The following ASTN2 variants were observed in gnomAD, a reference collection of about 807,000 sequenced individuals.
ASTN2 encodes astrotactin-2.
In ASTN2, 54 loss-of-function variants were observed where a neutral mutation model predicts 139.8. The observed-to-expected ratio is 0.39, with a 90% CI of 0.31 to 0.48. The LOEUF is 0.48. ASTN2 is among the 20% of genes least tolerant of loss of function. The probability of loss-of-function intolerance (pLI) is 0.95; values close to 1 mark genes in which losing one functional copy is unlikely to be tolerated. For missense variants in ASTN2, 1,565 were observed against 1,725.1 expected, an observed-to-expected ratio of 0.91 and a Z score of 1.64; for synonymous variants, 756 against 719.5, an observed-to-expected ratio of 1.05 and a Z score of -0.81.
chr9:116,825,571 C>A (rs1235839372), intron 11 of ASTN2, among the ~76,000 whole-genome samples: 10 of 152,174 alleles, frequency 6.6e-5, no homozygotes, highest in Non-Finnish European at 1.2e-4. Flanking sequence ...TGCTAGGATT[C>A]AACAGGGGAG....
At chr9:116,756,147 G>C (rs6478249) in intron 13 of ASTN2, among the ~76,000 whole-genome samples, 109,885 of 152,092 alleles carry the variant, frequency 0.72, 39,888 homozygotes, top group South Asian at 0.84. Context: ...GGCCCTCCTC[G>C]TCCACAGCCA....
chr9:117,299,194 T>A (rs1264981919), intron 1 of ASTN2, among the ~76,000 whole-genome samples: 1 of 152,168 alleles, frequency 6.6e-6, no homozygotes, highest in East Asian at 1.9e-4. Context: ...AATAGTGGGA[T>A]CAGAGGTGAT....
chr9:116,905,866 T>G (rs1536424), intron 10 of ASTN2, among the ~76,000 whole-genome samples: 5,847 of 32,128 alleles, frequency 0.18, 390 homozygotes, highest in African/African-American at 0.31. Context: ...TTTTTTTTTT[T>G]GGGGGGGGGT....
intron 3 of ASTN2, among the ~76,000 whole-genome samples, chr9:117,164,336 G>T (rs1295483576): frequency 6.6e-6 from 1 of 152,028 alleles, no homozygotes; most frequent in Non-Finnish European, 1.5e-5. Context: ...GAACCCTTTG[G>T]CCCTGTATAG....
intron 16 of ASTN2, among the ~76,000 whole-genome samples, chr9:116,680,806 CTTTGACAAAA>C (rs1859808953): frequency 6.6e-6 from 1 of 152,146 alleles, no homozygotes; most frequent in Non-Finnish European, 1.5e-5. Context: ...CAGAAAAGGC[CTTTGACAAAA>C]TTCAACAACC....
intron 2 of ASTN2, among the ~76,000 whole-genome samples, chr9:117,272,549 A>C (rs955347765): frequency 6.6e-6 from 1 of 152,228 alleles, no homozygotes. Flanking sequence ...TCAGGCTGCA[A>C]ATTTTCTGAA....
intron 13 of ASTN2, among the ~76,000 whole-genome samples, chr9:116,775,901 AG>A (rs1439400114): frequency 1.3e-5 from 2 of 152,116 alleles, no homozygotes; most frequent in Admixed American, 1.3e-4. Context: ...GACATCTCAA[AG>A]GAGGACAAAT....
intron 19 of ASTN2, among the ~76,000 whole-genome samples, chr9:116,572,027 T>C (rs1704793477): frequency 6.6e-6 from 1 of 152,170 alleles, no homozygotes; most frequent in African/African-American, 2.4e-5. Context: ...ATATGATTTC[T>C]CTAAATCCCC....
chr9:117,237,245 AT>A (rs527254108), intron 2 of ASTN2, among the ~76,000 whole-genome samples: 2,527 of 151,420 alleles, frequency 0.017, 77 homozygotes, highest in African/African-American at 0.058. Flanking sequence ...ATTATTATCT[AT>A]TTTTTTTTAT....
intron 1 of ASTN2, 33 bp from the exon 2 acceptor site, chr9:117,291,546 C>T (rs767656187): frequency 2.1e-5 from 32 of 1,549,760 alleles, no homozygotes; most frequent in South Asian, 1.1e-4. Context: ...CTGGGTGAGC[C>T]GTACGCCTGG....
intron 2 of ASTN2, among the ~76,000 whole-genome samples, chr9:117,283,226 C>A (rs1180225031): frequency 6.6e-6 from 1 of 152,122 alleles, no homozygotes; most frequent in Non-Finnish European, 1.5e-5. Context: ...GAAAAATAAG[C>A]ATTTCCTATA....
chr9:117,340,331 C>CAA (rs56228779), intron 1 of ASTN2, among the ~76,000 whole-genome samples: 587 of 40,198 alleles, frequency 0.015, 90 homozygotes, highest in African/African-American at 0.021. Context: ...GACTCAGTCT[C>CAA]AAAAAAAAAA....
At chr9:116,840,351 CCGCGATTGT>C (rs1452299392) in intron 11 of ASTN2, among the ~76,000 whole-genome samples, 3 of 151,442 alleles carry the variant, frequency 2.0e-5, no homozygotes, top group Non-Finnish European at 4.4e-5. Context: ...TTCCACAAAG[CCGCGATTGT>C]CATCCTGGCC....
chr9:116,529,965 T>C (rs897045851), intron 19 of ASTN2, among the ~76,000 whole-genome samples: 1 of 151,498 alleles, frequency 6.6e-6, no homozygotes, highest in Non-Finnish European at 1.5e-5. Context: ...ATACAGTATA[T>C]ATTCAAAAGA....
intron 19 of ASTN2, among the ~76,000 whole-genome samples, chr9:116,536,390 T>C (rs577447949): frequency 3.5e-4 from 54 of 152,294 alleles, no homozygotes; most frequent in African/African-American, 1.2e-3. Flanking sequence ...TTTGTTCTGT[T>C]GCTGGTGAGG....
chr9:117,114,932 T>C (rs1434515491), intron 4 of ASTN2, among the ~76,000 whole-genome samples: 1 of 152,026 alleles, frequency 6.6e-6, no homozygotes, highest in East Asian at 1.9e-4. Flanking sequence ...TTTCCAGCCA[T>C]GTGAGGGGGC....
At chr9:116,650,104 C>A (rs1284902021) in intron 17 of ASTN2, among the ~76,000 whole-genome samples, 2 of 152,128 alleles carry the variant, frequency 1.3e-5, no homozygotes, top group Admixed American at 6.5e-5. Context: ...GCACGGGATT[C>A]ATAGAGTTCT....
intron 10 of ASTN2, among the ~76,000 whole-genome samples, chr9:116,894,289 G>T (rs1354207584): frequency 1.3e-5 from 2 of 152,048 alleles, no homozygotes; most frequent in African/African-American, 4.8e-5. Context: ...ATATTTCATG[G>T]TGACTGAAAG....
intron 16 of ASTN2, among the ~76,000 whole-genome samples, chr9:116,676,587 T>G (rs1476806641): frequency 6.6e-6 from 1 of 152,216 alleles, no homozygotes; most frequent in Non-Finnish European, 1.5e-5. Flanking sequence ...GTTTGCACTA[T>G]CCAGAAGACA....
Sources: allele counts gnomAD v4.1 joint callset (sites outside exome capture counted in the v4.1 genomes callset), GRCh38; gene constraint gnomAD v4.1.1; transcripts MANE v1.5; gene names NCBI Gene and HGNC (gene_info 2026-07-23, HGNC 2026-07-21).